The following COL11A1 variants were observed in gnomAD, a reference collection of about 807,000 sequenced individuals.
COL11A1 encodes the protein collagen alpha-1(XI) chain.
Under a neutral mutation model 265.2 loss-of-function variants are expected in COL11A1, and 74 were observed. The ratio of observed to expected loss-of-function variants is 0.28; its 90% CI spans 0.23 to 0.34. The LOEUF is 0.34. Among genes scored for constraint, COL11A1 ranks in the 10% least tolerant of loss-of-function variants. The pLI, the probability that COL11A1 is intolerant of heterozygous loss-of-function variation, is 1.00. For synonymous variants in COL11A1, 816 were observed against 727.6 expected (o/e 1.12, Z -1.96); for missense variants, 2,165 against 2,263.6 (o/e 0.96, Z 0.88).
chr1:102,929,642 G>C (rs1240386145), intron 46 of COL11A1, among the ~76,000 whole-genome samples: 1 of 152,048 alleles, frequency 6.6e-6, no homozygotes, highest in Non-Finnish European at 1.5e-5. Context: ...GGCATTGGTA[G>C]CTTGATGGGG....
In COL11A1 at chr1:103,008,313, T is replaced by G. The variant is rs976119082; in HGVS notation, c.1683+150A>C. On this transcript the variant is annotated intron_variant, in intron 15 of 66. Coordinates refer to ENST00000370096, the MANE Select transcript of COL11A1 (RefSeq NM_001854.4). ...CCCAAATATCGTAATCAGTTTTCTC[T>G]GAATTTTTTAATTTCAAAATAAACC... is the stretch of plus-strand genomic sequence containing the variant. 6 of 664,430 alleles carry G rather than the reference T, an allele frequency of 9.0e-6. No individual in the cohort carries two copies. In the East Asian group the frequency reaches 1.6e-4, roughly 18 times the overall value. The allele number at this position is 664,430 out of a possible 1,614,324, so 41.2% of individuals were successfully genotyped here. A position where few individuals can be genotyped will look rare whatever the true frequency, so the allele number is the denominator to read the frequency against.
chr1:103,037,047 T>C (rs547067175), intron 4 of COL11A1, among the ~76,000 whole-genome samples: 24 of 151,942 alleles, frequency 1.6e-4, no homozygotes, highest in Admixed American at 8.5e-4. Flanking sequence ...AATCAAATTA[T>C]ATAAGTAATA....
At chr1:103,103,504 C>T (rs942955104) in intron 1 of COL11A1, among the ~76,000 whole-genome samples, 1 of 151,812 alleles carries the variant, frequency 6.6e-6, no homozygotes, top group Non-Finnish European at 1.5e-5. Flanking sequence ...TCAAAAATTA[C>T]CTTTCTTCAA....
intron 41 of COL11A1, among the ~76,000 whole-genome samples, chr1:102,950,310 G>A (rs910036045): frequency 2.6e-5 from 4 of 152,050 alleles, no homozygotes; most frequent in African/African-American, 9.7e-5. Context: ...TCTGCTCTTT[G>A]TCATATTGTT....
rs551276545 is a variant in COL11A1, at chr1:103,021,986, A to G, written c.1246-217T>C. ...CTCAGCCTCCCGAGTAGCTGAGACT[A>G]CAGGCGCCCGCCACCACACCTAGCT... On this transcript the variant is annotated intron_variant, in intron 8 of 66. Coordinates refer to ENST00000370096, the MANE Select transcript of COL11A1 (RefSeq NM_001854.4). Among the ~76,000 whole-genome samples, 267 of 148,928 alleles carry G rather than the reference A, an allele frequency of 1.8e-3. 3 individuals carry two copies. Among genetic ancestry groups the G allele is most frequent in the Non-Finnish European group, 1.7e-3 (118 of 67,482 alleles).
At chr1:103,041,835 C>T (rs892551570) in intron 4 of COL11A1, among the ~76,000 whole-genome samples, 2 of 151,738 alleles carry the variant, frequency 1.3e-5, no homozygotes, top group East Asian at 1.9e-4. Flanking sequence ...AAATTGAAAG[C>T]GAGAATTCCC....
intron 44 of COL11A1, among the ~76,000 whole-genome samples, chr1:102,937,892 A>T (rs1557846402): frequency 6.6e-6 from 1 of 152,234 alleles, no homozygotes; most frequent in Non-Finnish European, 1.5e-5. Context: ...ATGTATAGTC[A>T]ATACTAACTG....
Position 103,084,321 on chromosome 1 carries a change from A to G in COL11A1, c.107-1349T>C, listed in dbSNP as rs150493174. ...TTACTCATTCGAGAATTTTCATTTA[A>G]GTAGACTCATACAGAAGTGCCATAT... On this transcript the variant is annotated intron_variant, in intron 1 of 66. Coordinates refer to ENST00000370096, the MANE Select transcript of COL11A1 (RefSeq NM_001854.4). Among the ~76,000 whole-genome samples, 34 of 152,258 alleles carry G rather than the reference A, an allele frequency of 2.2e-4. No individual in the cohort carries two copies. In the East Asian group the frequency reaches 5.8e-3, roughly 26 times the overall value.
intron 42 of COL11A1, among the ~76,000 whole-genome samples, chr1:102,944,695 A>G (rs1176171840): frequency 6.6e-6 from 1 of 152,140 alleles, no homozygotes; most frequent in African/African-American, 2.4e-5. Context: ...CTTATTCTTC[A>G]TAAATCTAAG....
chr1:102,985,816 G>C (rs979005049), intron 30 of COL11A1, among the ~76,000 whole-genome samples: 3 of 152,114 alleles, frequency 2.0e-5, no homozygotes, highest in Non-Finnish European at 4.4e-5. Context: ...CACTGGCCTT[G>C]AGCATTTTAA....
chr1:103,073,953 A>G (rs937866972), intron 4 of COL11A1, among the ~76,000 whole-genome samples: 1 of 152,054 alleles, frequency 6.6e-6, no homozygotes. Flanking sequence ...AAACAATCAC[A>G]GAAATAATAA....
chr1:103,022,277 G>A (rs1001968879), intron 8 of COL11A1, among the ~76,000 whole-genome samples: 1 of 151,934 alleles, frequency 6.6e-6, no homozygotes, highest in Non-Finnish European at 1.5e-5. Context: ...TAAAAGAGAG[G>A]CATAAGAAGC....
intron 49 of COL11A1, among the ~76,000 whole-genome samples, chr1:102,919,194 T>A (rs1011328827): frequency 2.0e-5 from 3 of 151,912 alleles, no homozygotes; most frequent in African/African-American, 7.2e-5. Flanking sequence ...ACACACAACT[T>A]TAAATTTAAG....
chr1:102,923,854 A>C (rs1053892636), intron 46 of COL11A1, among the ~76,000 whole-genome samples: 2 of 152,006 alleles, frequency 1.3e-5, no homozygotes, highest in Non-Finnish European at 2.9e-5. Context: ...TTGACCTGTT[A>C]ATTCAATTTC....
intron 35 of COL11A1, among the ~76,000 whole-genome samples, chr1:102,977,189 T>C (rs989233853): frequency 6.6e-6 from 1 of 152,182 alleles, no homozygotes; most frequent in African/African-American, 2.4e-5. Context: ...TTGCCATTTT[T>C]CAACTGTGTG....
At chr1:103,086,641 C>A (rs372947048) in intron 1 of COL11A1, among the ~76,000 whole-genome samples, 2 of 152,092 alleles carry the variant, frequency 1.3e-5, no homozygotes, top group African/African-American at 4.8e-5. Flanking sequence ...TGGTCTTGAT[C>A]TCCTGACTTC....
intron 41 of COL11A1, among the ~76,000 whole-genome samples, chr1:102,957,003 T>C (rs1279865819): frequency 6.6e-6 from 1 of 151,974 alleles, no homozygotes; most frequent in Non-Finnish European, 1.5e-5. Flanking sequence ...CTTCCAAGGA[T>C]ATTCATAAAG....
At chr1:102,921,688 G>T in intron 47 of COL11A1, 117 bp from the exon 48 acceptor site, 1 of 837,978 alleles carries the variant, frequency 1.2e-6, no homozygotes, top group Non-Finnish European at 2.0e-6. Flanking sequence ...TATAGTTAGT[G>T]AAGCACATCA....
chr1:103,060,274 G>A (rs1670568804), intron 4 of COL11A1, among the ~76,000 whole-genome samples: 1 of 152,058 alleles, frequency 6.6e-6, no homozygotes, highest in African/African-American at 2.4e-5. Flanking sequence ...CAAAAGTGAA[G>A]GAGAAATATA....
Sources: gnomAD v4.1 joint callset for allele counts (sites outside exome capture counted in the v4.1 genomes callset) on GRCh38, gnomAD v4.1.1 for gene constraint, MANE v1.5 for transcripts, NCBI Gene and HGNC (gene_info 2026-07-23, HGNC 2026-07-21) for gene names.